EHBP1: variants seen among roughly 807,000 people sequenced by gnomAD.
EHBP1 encodes EH domain-binding protein 1.
Under a neutral mutation model 144.0 loss-of-function variants are expected in EHBP1, and 55 were observed. The ratio of observed to expected loss-of-function variants is 0.38; its 90% confidence interval spans 0.31 to 0.48. EHBP1 has a LOEUF of 0.48. Among genes scored for constraint, EHBP1 ranks in the 20% least tolerant of loss-of-function variants. The probability of loss-of-function intolerance (pLI) is 0.98; values close to 1 mark genes in which losing one functional copy is unlikely to be tolerated. For synonymous variants in EHBP1, 469 were observed against 472.7 expected (o/e 0.99, Z 0.10); for missense variants, 1,200 against 1,364.2 (o/e 0.88, Z 1.90).
intron 10 of EHBP1, among the ~76,000 whole-genome samples, chr2:62,927,784 C>G (rs1382927010): frequency 6.6e-6 from 1 of 152,126 alleles, no homozygotes; most frequent in Non-Finnish European, 1.5e-5. Context: ...ATACAAAAAA[C>G]TGCGCAACAA....
intron 6 of EHBP1, among the ~76,000 whole-genome samples, chr2:62,826,968 C>T (rs2046385019): frequency 6.6e-6 from 1 of 152,136 alleles, no homozygotes; most frequent in Non-Finnish European, 1.5e-5. Context: ...GGGTTCGTAC[C>T]TACATGGAGT....
In EHBP1 at chr2:62,987,978, G is replaced by C. The variant is rs772976057; in HGVS notation, c.2609-2738G>C. 8 of 1,607,810 alleles carry C rather than the reference G, an allele frequency of 5.0e-6. No homozygotes were observed. The South Asian group carries it at 7.8e-5, about 16-fold the overall frequency. On this transcript the variant is annotated intron_variant, in intron 15 of 22. Coordinates refer to ENST00000431489, the MANE Select transcript of EHBP1 (RefSeq NM_001142616.3). Reference sequence around the variant, plus strand: ...AGATACTAACGAGGAGATCCCTGAAGGCTTTGTTGTAGGAGGTGGAGATGA... The same window carrying C: ...AGATACTAACGAGGAGATCCCTGAACGCTTTGTTGTAGGAGGTGGAGATGA...
intron 5 of EHBP1, among the ~76,000 whole-genome samples, chr2:62,775,296 T>G (rs1028581393): frequency 6.6e-6 from 1 of 152,208 alleles, no homozygotes; most frequent in African/African-American, 2.4e-5. Flanking sequence ...TGCTGATCAT[T>G]ATGTAGCAAT....
At chr2:62,731,057 A>C (rs1399325319) in intron 2 of EHBP1, among the ~76,000 whole-genome samples, 6 of 151,328 alleles carry the variant, frequency 4.0e-5, no homozygotes, top group African/African-American at 1.2e-4. Context: ...ATGTACAGAT[A>C]TCTCTCAATT....
chr2:62,795,482 C>G (rs2043471456), intron 5 of EHBP1, among the ~76,000 whole-genome samples: 1 of 151,968 alleles, frequency 6.6e-6, no homozygotes, highest in African/African-American at 2.4e-5. Flanking sequence ...TGCTTATTCC[C>G]TCAGTCCAAC....
intron 10 of EHBP1, among the ~76,000 whole-genome samples, chr2:62,884,500 A>C (rs1414498877): frequency 6.6e-6 from 1 of 152,212 alleles, no homozygotes; most frequent in African/African-American, 2.4e-5. Context: ...GACGCTTGGC[A>C]GGAAGGCTCC....
chr2:62,755,413 G>A (rs113744215), intron 3 of EHBP1, among the ~76,000 whole-genome samples: 2,987 of 147,948 alleles, frequency 0.02, 71 homozygotes, highest in African/African-American at 0.061. Flanking sequence ...ATGAACATTT[G>A]TTTTTTTTTT....
At chr2:62,750,582 C>G (rs1375274549) in intron 3 of EHBP1, among the ~76,000 whole-genome samples, 1 of 152,182 alleles carries the variant, frequency 6.6e-6, no homozygotes, top group Non-Finnish European at 1.5e-5. Flanking sequence ...GCAGTATGGC[C>G]ATTTTCATGA....
At chr2:62,996,231 A>G (rs983207028) in intron 18 of EHBP1, among the ~76,000 whole-genome samples, 1 of 152,114 alleles carries the variant, frequency 6.6e-6, no homozygotes, top group Non-Finnish European at 1.5e-5. Context: ...TCAATTCCTT[A>G]CTAGAACTCC....
At chr2:63,043,001 G>GA (rs543833744) in intron 21 of EHBP1, among the ~76,000 whole-genome samples, 79 of 152,028 alleles carry the variant, frequency 5.2e-4, no homozygotes, top group Non-Finnish European at 1.1e-3. Flanking sequence ...GGTTGGAAGT[G>GA]AAAAAAATTA....
intron 8 of EHBP1, among the ~76,000 whole-genome samples, chr2:62,863,397 G>A (rs1010605441): frequency 4.6e-5 from 7 of 152,068 alleles, no homozygotes; most frequent in African/African-American, 1.4e-4. Context: ...GTTCAAGACC[G>A]TGCCGCTGCA....
chr2:63,010,126 T>C (rs2060208726), intron 19 of EHBP1, among the ~76,000 whole-genome samples: 1 of 151,334 alleles, frequency 6.6e-6, no homozygotes, highest in Non-Finnish European at 1.5e-5. Flanking sequence ...ATTCCTAATA[T>C]TAGCTTCTAA....
At chr2:62,953,587 A>G (rs2057523124) in intron 13 of EHBP1, among the ~76,000 whole-genome samples, 1 of 151,878 alleles carries the variant, frequency 6.6e-6, no homozygotes, top group Non-Finnish European at 1.5e-5. Flanking sequence ...TAAAAAAATT[A>G]TGTTTAAAAA....
At chr2:62,718,746 A>G (rs746121920) in intron 2 of EHBP1, among the ~76,000 whole-genome samples, 1 of 152,200 alleles carries the variant, frequency 6.6e-6, no homozygotes, top group Non-Finnish European at 1.5e-5. Context: ...TACTCCAGAA[A>G]GTGTTTATTG....
chr2:62,839,261 T>A (rs1481853571), intron 7 of EHBP1, among the ~76,000 whole-genome samples: 2 of 152,056 alleles, frequency 1.3e-5, no homozygotes, highest in Non-Finnish European at 2.9e-5. Flanking sequence ...TCTCAATAGA[T>A]GCGGAAAAAG....
At chr2:62,704,900 C>G (rs867822134), upstream of EHBP1, among the ~76,000 whole-genome samples, 2 of 152,150 alleles carry the variant, frequency 1.3e-5, no homozygotes, top group African/African-American at 4.8e-5. Flanking sequence ...CTTTGACCAC[C>G]CTTTTTATAT....
At chr2:62,794,809 A>C (rs924905265) in intron 5 of EHBP1, among the ~76,000 whole-genome samples, 2 of 152,032 alleles carry the variant, frequency 1.3e-5, no homozygotes, top group Non-Finnish European at 2.9e-5. Context: ...CTAGTTTCTA[A>C]AAAGGTGGAA....
chr2:63,004,619 G>A lies in EHBP1; in HGVS notation c.3103+7853G>A, dbSNP rs567499611. 3.9e-4 allele frequency among the ~76,000 whole-genome samples: 60 copies of A among 152,016 alleles called. 1 individual carries two copies. The South Asian group carries it at 5.4e-3, about 14-fold the overall frequency. On this transcript the variant is annotated intron_variant, in intron 19 of 22. Coordinates refer to ENST00000431489, the MANE Select transcript of EHBP1 (RefSeq NM_001142616.3). ...ACTTCAATAAAATAAGAGAACAAAT[G>A]GTTTTTAATAGCTTGAGTCATTTTC...
At chr2:62,922,542 T>C (rs2055169501) in intron 10 of EHBP1, among the ~76,000 whole-genome samples, 1 of 152,170 alleles carries the variant, frequency 6.6e-6, no homozygotes, top group Non-Finnish European at 1.5e-5. Context: ...CTTATACTAA[T>C]ATCAGACAAA....
Sources: gnomAD v4.1 joint callset for allele counts (sites outside exome capture counted in the v4.1 genomes callset) on GRCh38, gnomAD v4.1.1 for gene constraint, MANE v1.5 for transcripts, NCBI Gene and HGNC (gene_info 2026-07-23, HGNC 2026-07-21) for gene names.